The following P2RX6 variants were observed in gnomAD, a reference collection of about 807,000 sequenced individuals.
The protein encoded by P2RX6 is P2X purinoceptor 6.
In P2RX6, 62 loss-of-function variants were observed where a neutral mutation model predicts 54.2. That is an observed-to-expected ratio of 1.14 (90% CI 0.93 to 1.41). The LOEUF (loss-of-function observed/expected upper bound fraction) is 1.41, where lower values mean the gene tolerates loss of function less well. Among genes scored for constraint, P2RX6 ranks in the 40% most tolerant of loss-of-function variants. P2RX6 has a pLI of 0.00. For synonymous variants in P2RX6, 211 were observed against 231.9 expected, an observed-to-expected ratio of 0.91 and a Z score of 0.82; for missense variants, 541 against 566.3, an observed-to-expected ratio of 0.96 and a Z score of 0.45.
intron 8 of P2RX6, among the ~76,000 whole-genome samples, chr22:21,023,869 C>T (rs1306226148): frequency 1.3e-5 from 2 of 152,172 alleles, no homozygotes; most frequent in Non-Finnish European, 2.9e-5. Flanking sequence ...TCACTGCCAG[C>T]CCTTCCTCCA....
Position 21,026,410 on chromosome 22 carries a change from T to A in P2RX6, c.1129-10T>A. The stretch of plus-strand genomic sequence containing the variant: ...TGGCTGGATCCCTGACCTGCTGTCC[T>A]CATCTGCAGGCCAAGGCCCCGAAAG... On this transcript the variant is annotated splice_polypyrimidine_tract_variant and intron_variant, in intron 11 of 11. Coordinates refer to ENST00000413302, the MANE Select transcript of P2RX6 (RefSeq NM_005446.5). This position sits in a 1 kb window ranked among gnomAD's most constrained non-coding sequence, Gnocchi z 4.0. 1.3e-6 allele frequency: 2 copies of A among 1,595,728 alleles called. No homozygotes were observed. The highest frequency in any genetic ancestry group is 1.7e-6 in the Non-Finnish European group (2 of 1,171,494).
intron 2 of P2RX6, among the ~76,000 whole-genome samples, chr22:21,016,665 G>A (rs1316211594): frequency 1.3e-5 from 2 of 151,868 alleles, no homozygotes; most frequent in Non-Finnish European, 2.9e-5. Flanking sequence ...GGAGTGTCCA[G>A]GACTAATGGC....
At chr22:21,024,878 G>GTGTTTTTT (rs58685165) in intron 8 of P2RX6, among the ~76,000 whole-genome samples, 3 of 110,758 alleles carry the variant, frequency 2.7e-5, no homozygotes, top group Non-Finnish European at 1.7e-5. Context: ...TTTTTTTTGT[G>GTGTTTTTT]TTTTTTTTTT....
At chr22:21,010,394 T>G (rs1325604923), upstream of P2RX6, 1 of 152,188 alleles carries the variant, frequency 6.6e-6, no homozygotes, top group East Asian at 1.9e-4. Flanking sequence ...AGTAGTAATT[T>G]TTTTAGAAGA....
Position 21,016,014 on chromosome 22 carries a change from C to T in P2RX6, c.237C>T (p.Leu79=), listed in dbSNP as rs1188086580. 3.2e-5 allele frequency: 49 copies of T among 1,552,810 alleles called. No homozygotes were observed. Among genetic ancestry groups the T allele is most frequent in the Non-Finnish European group, 4.2e-5 (48 of 1,148,706 alleles). ...LEPQFSIITK[L]KGVSVTQIKE... is the part of the protein sequence containing the mutation. ...CCCAGTTTTCCATCATCACCAAACT[C>T]AAAGGGGTTTCCGTCACTCAGATCA... The change falls in exon 2 of 12, where the codon CTC becomes CTT. Residue 79 remains leucine (L), a synonymous_variant. Coordinates refer to ENST00000413302, the MANE Select transcript of P2RX6 (RefSeq NM_005446.5).
Position 21,026,435 on chromosome 22 carries a change from G to A in P2RX6, c.1144G>A (p.Ala382Thr), listed in dbSNP as rs1182069580. Residue 382 changes from alanine (A) to threonine (T), a missense_variant, in exon 12 of 12, where the codon GCA becomes ACA. Physicochemically the swap from Ala to Thr is moderately conservative, Grantham distance 58. Coordinates refer to ENST00000413302, the MANE Select transcript of P2RX6 (RefSeq NM_005446.5). The surrounding 1 kb of genome is among the most constrained non-coding windows in gnomAD (Gnocchi z 4.0). Reference protein sequence around the residue: ...TKYEEAKAPKATANSVWRELA... With the variant: ...TKYEEAKAPKTTANSVWRELA... ...TCATCTGCAGGCCAAGGCCCCGAAA[G>A]CAACCGCCAACTCTGTGTGGAGGGA... The A allele has an allele frequency of 1.2e-6, 2 of 1,601,726 alleles. No individual in the cohort carries two copies. Among genetic ancestry groups the A allele is most frequent in the East Asian group, 2.3e-5 (1 of 44,322 alleles).
At position 21,026,402 on chromosome 22, in the gene P2RX6, T is replaced by G. The variant is rs767969865; in HGVS notation, c.1129-18T>G. Reference sequence around the variant, plus strand: ...GAAGATGTTGGCTGGATCCCTGACCTGCTGTCCTCATCTGCAGGCCAAGGC... The same window carrying G: ...GAAGATGTTGGCTGGATCCCTGACCGGCTGTCCTCATCTGCAGGCCAAGGC... On this transcript the variant is annotated intron_variant, in intron 11 of 11. Coordinates refer to ENST00000413302, the MANE Select transcript of P2RX6 (RefSeq NM_005446.5). This position sits in a 1 kb window ranked among gnomAD's most constrained non-coding sequence, Gnocchi z 4.0. 14 of 1,592,926 alleles carry G rather than the reference T, an allele frequency of 8.8e-6. No individual in the cohort carries two copies. In the African/African-American group the frequency reaches 1.7e-4, roughly 20 times the overall value.
In P2RX6 at chr22:21,022,692, T is replaced by G. The variant is rs747955464; in HGVS notation, c.404T>G (p.Leu135Arg). The G allele has an allele frequency of 6.4e-7, 1 of 1,570,346 alleles. No individual in the cohort carries two copies. The highest frequency in any genetic ancestry group is 8.6e-7 in the Non-Finnish European group (1 of 1,159,494). ...CCACCTCAGCACCCGTCCGTCCCAC[T>G]GGCTAACTGCTGGGTCGACGAGGAC... The part of the protein sequence containing the change: ...GRCPEHPSVP[L>R]ANCWVDEDCP... The change falls in exon 4 of 12, where the codon CTG becomes CGG. Residue 135 changes from leucine (L) to arginine (R), a missense_variant. This residue lies in a region of P2RX6 where 526 missense variants were observed against 531.5 expected (regional missense o/e 0.99). Coordinates refer to ENST00000413302, the MANE Select transcript of P2RX6 (RefSeq NM_005446.5).
chr22:21,019,379 G>A (rs5752467), intron 3 of P2RX6, among the ~76,000 whole-genome samples: 11,012 of 152,238 alleles, frequency 0.072, 585 homozygotes, highest in East Asian at 0.21. Context: ...TCAATGGCAC[G>A]ATCTCGGCTC....
Position 21,025,822 on chromosome 22 carries a change from G to C in P2RX6, c.908G>C (p.Trp303Ser). The C allele has an allele frequency of 6.4e-7, 1 of 1,561,420 alleles. No individual in the cohort carries two copies. The highest frequency in any genetic ancestry group is 8.7e-7 in the Non-Finnish European group (1 of 1,153,036). Residue 303 changes from tryptophan to serine, a missense_variant, in exon 9 of 12, where the codon TGG (tryptophan) becomes TCG (serine). Physicochemically the swap from Trp to Ser is radical, Grantham distance 177. This residue lies in a region of P2RX6 where 526 missense variants were observed against 531.5 expected (regional missense o/e 0.99). Transcript: ENST00000413302. The part of the protein sequence containing the change: ...SYNFRTATHW[W>S]EQPGVEARTL... ...GCCCACAGGACAGCCACTCACTGGT[G>C]GGAGCAACCGGGTGTGGAGGCCCGC...
rs1230120082 is a variant in P2RX6 at position 21,026,864 on chromosome 22, T to G, written c.*247T>G. 3 of 711,922 alleles carry G rather than the reference T, an allele frequency of 4.2e-6. No homozygotes were observed. In the African/African-American group the frequency reaches 5.4e-5, roughly 13 times the overall value. The allele number at this position is 711,922 out of a possible 1,614,324, so 44.1% of individuals were successfully genotyped here. On this transcript the variant is annotated 3_prime_UTR_variant, in exon 12 of 12. Transcript: ENST00000413302. This position sits in a 1 kb window ranked among gnomAD's most constrained non-coding sequence, Gnocchi z 4.0. Reference sequence around the variant, plus strand: ...GGGAGAGCCCAGCAGGCACCTGTATTGCAGGGCTCCGACTGCATGTGGCAG... The same window carrying G: ...GGGAGAGCCCAGCAGGCACCTGTATGGCAGGGCTCCGACTGCATGTGGCAG...
chr22:21,026,212 G>C lies in P2RX6; in HGVS notation c.1051-40G>C. On this transcript the variant is annotated intron_variant, in intron 10 of 11. Coordinates refer to ENST00000413302, the MANE Select transcript of P2RX6 (RefSeq NM_005446.5). The surrounding 1 kb of genome is among the most constrained non-coding windows in gnomAD (Gnocchi z 4.0). ...GGCTGGGGAGGTGGCAGGAGAGCAG[G>C]CTCGGGGGCTGGAACATGGGTTGGC... 1 of 1,558,682 alleles carries C rather than the reference G, an allele frequency of 6.4e-7. No homozygotes were observed. Among genetic ancestry groups the C allele is most frequent in the South Asian group, 1.2e-5 (1 of 85,138 alleles).
upstream of P2RX6, among the ~76,000 whole-genome samples, chr22:21,012,210 G>C (rs1302803149): frequency 6.6e-6 from 1 of 151,200 alleles, no homozygotes; most frequent in Non-Finnish European, 1.5e-5. Flanking sequence ...TCTCTGTGTT[G>C]CAGGACTTTC....
In P2RX6 at chr22:21,023,258, T is replaced by C. The variant is rs1927774817; in HGVS notation, c.639-17T>C. On this transcript the variant is annotated splice_polypyrimidine_tract_variant and intron_variant, in intron 6 of 11. Coordinates refer to ENST00000413302, the MANE Select transcript of P2RX6 (RefSeq NM_005446.5). ...TCCTTGTCCCCTACCTCATCTGACC[T>C]TTCCCACTCCTCCCAGGTCCAATGC... 1 of 1,613,864 alleles carries C rather than the reference T, an allele frequency of 6.2e-7. No individual in the cohort carries two copies. The highest frequency in any genetic ancestry group is 1.3e-5 in the African/African-American group (1 of 74,926).
chr22:21,023,367 G>C lies in P2RX6; in HGVS notation c.731G>C (p.Gly244Ala). ...CCCTACTGTCCCGTGTTCCGCATTG[G>C]GGACCTCGTGGCCAAGGCTGGAGGG... is the stretch of plus-strand genomic sequence containing the variant. Reference protein sequence around the residue: ...FSPYCPVFRIGDLVAKAGGTF... With the variant: ...FSPYCPVFRIADLVAKAGGTF... The change falls in exon 7 of 12, where the codon GGG becomes GCG. Residue 244 changes from glycine (G) to alanine (A), a missense_variant. Transcript: ENST00000413302. 6.2e-7 allele frequency: 1 copy of C among 1,613,976 alleles called. No individual in the cohort carries two copies. The highest frequency in any genetic ancestry group is 8.5e-7 in the Non-Finnish European group (1 of 1,179,882).
intron 2 of P2RX6, 150 bp from the exon 3 acceptor site, chr22:21,017,839 T>C: frequency 2.8e-6 from 2 of 703,170 alleles, no homozygotes; most frequent in Non-Finnish European, 5.3e-6. Context: ...ACTGCCAGCC[T>C]CCCATCTCTG....
At chr22:21,022,549 T>C in intron 3 of P2RX6, 127 bp from the exon 4 acceptor site, 1 of 613,614 alleles carries the variant, frequency 1.6e-6, no homozygotes, top group East Asian at 3.0e-5. Context: ...GGCGGCGGGG[T>C]GGTGAGGTTG....
chr22:21,015,590 C>G (rs541634848), intron 1 of P2RX6, among the ~76,000 whole-genome samples: 9 of 152,264 alleles, frequency 5.9e-5, no homozygotes, highest in African/African-American at 1.9e-4. Context: ...GGGCACATGA[C>G]ATAGTCCTTA....
Position 21,026,667 on chromosome 22 carries a change from C to T in P2RX6, c.*50C>T. On this transcript the variant is annotated 3_prime_UTR_variant, in exon 12 of 12. Transcript: ENST00000413302. This position sits in a 1 kb window ranked among gnomAD's most constrained non-coding sequence, Gnocchi z 4.0. ...GGGGCTGGGAAGGGCGGGGCCCTGC[C>T]TGGGGATCTCAAGGATGAGGCCCCA... The T allele has an allele frequency of 4.6e-6, 7 of 1,530,468 alleles. No individual in the cohort carries two copies. Among genetic ancestry groups the T allele is most frequent in the Non-Finnish European group, 6.2e-6 (7 of 1,134,936 alleles). 94.8% of individuals were successfully genotyped at this position (1,530,468 alleles called of 1,614,324 possible).
Sources: allele counts gnomAD v4.1 joint callset (sites outside exome capture counted in the v4.1 genomes callset), GRCh38; gene constraint gnomAD v4.1.1; regional missense constraint gnomAD v4.1.1; non-coding constraint Gnocchi (gnomAD v3.1); transcripts MANE v1.5; gene names NCBI Gene and HGNC (gene_info 2026-07-23, HGNC 2026-07-21).